Variants in CPNE8 observed in about 807,000 individuals in gnomAD.
CPNE8 encodes the protein copine-8.
Under a neutral mutation model 81.5 loss-of-function variants are expected in CPNE8, and 45 were observed. The ratio of observed to expected loss-of-function variants is 0.55; its 90% confidence interval spans 0.44 to 0.71. The LOEUF (loss-of-function observed/expected upper bound fraction) is 0.71. Ranked by LOEUF, CPNE8 falls within the 30% of genes least tolerant of loss-of-function variation. The probability of loss-of-function intolerance (pLI) is 0.00; values close to 1 mark genes in which losing one functional copy is unlikely to be tolerated. For missense variants in CPNE8, 594 were observed against 672.1 expected (o/e 0.88, Z 1.28); for synonymous variants, 252 against 226.3 (o/e 1.11, Z -1.02).
At chr12:38,888,199 G>T (rs1368406788) in intron 1 of CPNE8, among the ~76,000 whole-genome samples, 1 of 152,126 alleles carries the variant, frequency 6.6e-6, no homozygotes, top group Non-Finnish European at 1.5e-5. Context: ...CTAACATTTT[G>T]TTCCTTTGTC....
chr12:38,780,006 T>C (rs577579101), intron 6 of CPNE8, among the ~76,000 whole-genome samples: 40 of 152,218 alleles, frequency 2.6e-4, no homozygotes, highest in African/African-American at 7.5e-4. Context: ...TCCAGGCACT[T>C]TTCCTCTATT....
chr12:38,809,085 A>C (rs1216614629), intron 6 of CPNE8, among the ~76,000 whole-genome samples: 1 of 152,206 alleles, frequency 6.6e-6, no homozygotes, highest in Non-Finnish European at 1.5e-5. Context: ...AATAAATTTC[A>C]AGCTGCTTAT....
intron 3 of CPNE8, among the ~76,000 whole-genome samples, chr12:38,856,269 C>T (rs1943732667): frequency 1.3e-5 from 2 of 152,024 alleles, no homozygotes; most frequent in African/African-American, 4.8e-5. Flanking sequence ...ATGAATGCTA[C>T]CGAACATTTA....
At position 38,692,317 on chromosome 12, in the gene CPNE8, C is replaced by CA. The variant is rs372327974; in HGVS notation, c.1143+1339dup. ...AAAACAAAAACAAAAACAAATAAACCAAAAAAAAAAGTAAGGCACAAATCC... is the reference window on the plus strand; with the variant it reads ...AAAACAAAAACAAAAACAAATAAACCAAAAAAAAAAAGTAAGGCACAAATCC... On this transcript the variant is annotated intron_variant, in intron 15 of 19. Transcript: ENST00000331366. Among the ~76,000 whole-genome samples, 22 of 146,452 alleles carry CA rather than the reference C, an allele frequency of 1.5e-4. 1 individual carries two copies. The highest frequency in any genetic ancestry group is 4.4e-4 in the South Asian group (2 of 4,550).
chr12:38,679,686 T>G (rs544421446), intron 16 of CPNE8: 85 of 985,008 alleles, frequency 8.6e-5, no homozygotes, highest in Non-Finnish European at 9.8e-5. Flanking sequence ...TTCTACACGT[T>G]GGCACATTGT....
chr12:38,843,615 G>C (rs565813452), intron 4 of CPNE8, among the ~76,000 whole-genome samples: 1 of 152,066 alleles, frequency 6.6e-6, no homozygotes, highest in East Asian at 1.9e-4. Flanking sequence ...GTCAATAAAA[G>C]AGAAACTCAC....
intron 1 of CPNE8, among the ~76,000 whole-genome samples, chr12:38,878,426 AAAGAATT>A (rs1481324752): frequency 6.6e-6 from 1 of 152,292 alleles, no homozygotes; most frequent in Non-Finnish European, 1.5e-5. Flanking sequence ...CATCCAAGAT[AAAGAATT>A]CCCTGACTCC....
intron 7 of CPNE8, among the ~76,000 whole-genome samples, chr12:38,771,890 G>A (rs1941812235): frequency 6.6e-6 from 1 of 152,212 alleles, no homozygotes; most frequent in Admixed American, 6.5e-5. Context: ...CAGAATGGGA[G>A]AAAATATGCT....
At chr12:38,902,419 A>AAAGAAAGAAAG (rs1565670435) in intron 1 of CPNE8, among the ~76,000 whole-genome samples, 19 of 99,498 alleles carry the variant, frequency 1.9e-4, no homozygotes, top group Admixed American at 4.0e-4. Context: ...AAGAAAGAAA[A>AAAGAAAGAAAG]AGAAAGAAAG....
At chr12:38,904,615 C>T (rs1297123915) in intron 1 of CPNE8, among the ~76,000 whole-genome samples, 1 of 151,900 alleles carries the variant, frequency 6.6e-6, no homozygotes, top group Non-Finnish European at 1.5e-5. Flanking sequence ...ACTACAGGCG[C>T]GTGCCACCAC....
intron 19 of CPNE8, among the ~76,000 whole-genome samples, chr12:38,665,206 G>C (rs529213473): frequency 6.6e-6 from 1 of 152,022 alleles, no homozygotes; most frequent in Admixed American, 6.6e-5. Context: ...ACCTCTATTA[G>C]TCTCTCATTT....
At chr12:38,695,789 A>C (rs1235402951) in intron 14 of CPNE8, among the ~76,000 whole-genome samples, 1 of 152,134 alleles carries the variant, frequency 6.6e-6, no homozygotes, top group Admixed American at 6.5e-5. Context: ...AAATACAAAA[A>C]TCAGCTGGGT....
intron 9 of CPNE8, 57 bp from the exon 10 acceptor site, chr12:38,760,945 G>C: frequency 2.4e-6 from 3 of 1,235,248 alleles, no homozygotes; most frequent in Non-Finnish European, 3.4e-6. Flanking sequence ...AATAATGTAT[G>C]GTTGAGAATT....
At chr12:38,737,874 C>T (rs1940991415) in intron 10 of CPNE8, among the ~76,000 whole-genome samples, 1 of 152,038 alleles carries the variant, frequency 6.6e-6, no homozygotes, top group Admixed American at 6.6e-5. Flanking sequence ...AAACCCCCAG[C>T]GTGAAGTAGC....
chr12:38,698,118 A>G (rs920449759), intron 14 of CPNE8, among the ~76,000 whole-genome samples: 1 of 152,208 alleles, frequency 6.6e-6, no homozygotes, highest in Non-Finnish European at 1.5e-5. Flanking sequence ...GTATGAAATG[A>G]TATCTCATTA....
intron 6 of CPNE8, among the ~76,000 whole-genome samples, chr12:38,816,548 C>A (rs969159485): frequency 2.6e-5 from 4 of 151,720 alleles, no homozygotes; most frequent in African/African-American, 7.3e-5. Context: ...GTTTAGCAGA[C>A]CTGCTTAAGA....
At chr12:38,773,472 G>A (rs1309953995) in intron 7 of CPNE8, among the ~76,000 whole-genome samples, 1 of 151,922 alleles carries the variant, frequency 6.6e-6, no homozygotes, top group Non-Finnish European at 1.5e-5. Flanking sequence ...TTATTTGTAT[G>A]CCAATTATAC....
At chr12:38,768,084 T>C (rs1941727847) in intron 7 of CPNE8, among the ~76,000 whole-genome samples, 2 of 151,904 alleles carry the variant, frequency 1.3e-5, no homozygotes, top group South Asian at 4.2e-4. Flanking sequence ...TAGAACATAG[T>C]TAAAAAAATT....
intron 19 of CPNE8, among the ~76,000 whole-genome samples, chr12:38,658,339 A>T (rs577447143): frequency 6.6e-6 from 1 of 152,328 alleles, no homozygotes; most frequent in South Asian, 2.1e-4. Context: ...GCAAGAAGAC[A>T]AGATTAGAAA....
Sources: allele counts gnomAD v4.1 joint callset (sites outside exome capture counted in the v4.1 genomes callset), GRCh38; gene constraint gnomAD v4.1.1; transcripts MANE v1.5; gene names NCBI Gene and HGNC (gene_info 2026-07-23, HGNC 2026-07-21).